Variants in SLC4A4 observed in about 807,000 individuals in gnomAD.
SLC4A4 encodes the protein electrogenic sodium bicarbonate cotransporter 1.
Under a neutral mutation model 111.5 loss-of-function variants are expected in SLC4A4, and 27 were observed. The observed-to-expected ratio is 0.24, with a 90% CI of 0.18 to 0.33. The LOEUF is 0.33. SLC4A4 is among the 10% of genes least tolerant of loss of function. The pLI is 1.00. For missense variants in SLC4A4, 909 were observed against 1,315.5 expected (o/e 0.69, Z 4.78); for synonymous variants, 443 against 463.4 (o/e 0.96, Z 0.57).
chr4:71,491,723 G>C (rs911011372), intron 15 of SLC4A4, among the ~76,000 whole-genome samples: 8 of 151,648 alleles, frequency 5.3e-5, no homozygotes, highest in African/African-American at 1.7e-4. Flanking sequence ...TGTATGTATA[G>C]CTCACATTTA....
chr4:71,479,931 T>C (rs1219107694), intron 14 of SLC4A4, among the ~76,000 whole-genome samples: 1 of 151,570 alleles, frequency 6.6e-6, no homozygotes, highest in South Asian at 2.1e-4. Context: ...AGTTTCCCCA[T>C]GGTAATGTCT....
At chr4:71,099,301 T>A (rs1742649254) in intron 2 of SLC4A4, among the ~76,000 whole-genome samples, 1 of 152,160 alleles carries the variant, frequency 6.6e-6, no homozygotes, top group South Asian at 2.1e-4. Context: ...AAAAACATGC[T>A]GAAAACCATG....
At chr4:71,178,042 A>G (rs948246997) in intron 2 of SLC4A4, among the ~76,000 whole-genome samples, 59 of 152,360 alleles carry the variant, frequency 3.9e-4, no homozygotes, top group Non-Finnish European at 7.3e-4. Flanking sequence ...AAACCGCTCA[A>G]CTACATGGAA....
intron 2 of SLC4A4, among the ~76,000 whole-genome samples, chr4:71,172,436 A>G (rs1380966367): frequency 6.6e-6 from 1 of 151,870 alleles, no homozygotes; most frequent in Admixed American, 6.6e-5. Flanking sequence ...TTGTATTTTT[A>G]GTAGAGATGG....
At chr4:71,485,266 G>A (rs1371764735) in intron 14 of SLC4A4, among the ~76,000 whole-genome samples, 1 of 151,626 alleles carries the variant, frequency 6.6e-6, no homozygotes, top group East Asian at 1.9e-4. Context: ...GTTGGCTGTG[G>A]GTTTGTCATA....
At chr4:71,353,827 C>G (rs371248456) in intron 5 of SLC4A4, among the ~76,000 whole-genome samples, 4 of 152,158 alleles carry the variant, frequency 2.6e-5, no homozygotes, top group African/African-American at 9.7e-5. Flanking sequence ...CACCTGCTAC[C>G]CCTCACCAGC....
At chr4:71,156,586 G>GCA (rs1553957328) in intron 2 of SLC4A4, among the ~76,000 whole-genome samples, 140 of 108,410 alleles carry the variant, frequency 1.3e-3, no homozygotes, top group East Asian at 0.01. Context: ...GCGCGCGCGC[G>GCA]CGCACACACA....
chr4:71,451,094 C>T, intron 10 of SLC4A4, 94 bp from the exon 11 acceptor site: 1 of 817,540 alleles, frequency 1.2e-6, no homozygotes, highest in Admixed American at 1.9e-5. Flanking sequence ...TAAGGGTTTT[C>T]ACTCCATCTC....
intron 1 of SLC4A4, among the ~76,000 whole-genome samples, chr4:71,089,141 C>T (rs1742295073): frequency 1.3e-5 from 2 of 151,942 alleles, no homozygotes; most frequent in Admixed American, 1.3e-4. Context: ...CACTTCATTT[C>T]ATTCATTTGA....
At chr4:71,446,584 A>C (rs1477341981) in intron 8 of SLC4A4, among the ~76,000 whole-genome samples, 1 of 152,178 alleles carries the variant, frequency 6.6e-6, no homozygotes, top group Non-Finnish European at 1.5e-5. Flanking sequence ...ATTAACCTCC[A>C]CCAGCCTCAT....
intron 2 of SLC4A4, among the ~76,000 whole-genome samples, chr4:71,103,151 A>T (rs1413495212): frequency 6.6e-6 from 1 of 151,758 alleles, no homozygotes. Context: ...CTTTAAACCA[A>T]CAAAGATCAA....
chr4:71,536,881 A>G (rs1210947456), intron 18 of SLC4A4, among the ~76,000 whole-genome samples: 1 of 151,650 alleles, frequency 6.6e-6, no homozygotes, highest in Non-Finnish European at 1.5e-5. Context: ...TTGATATTGC[A>G]TATCTATCTA....
At chr4:71,121,973 G>A (rs1311255158) in intron 2 of SLC4A4, among the ~76,000 whole-genome samples, 5 of 151,970 alleles carry the variant, frequency 3.3e-5, no homozygotes, top group Admixed American at 1.3e-4. Context: ...CTCCAGACGC[G>A]CTTCCTTAAG....
At chr4:71,231,113 G>A (rs1719394056) in intron 1 of SLC4A4, among the ~76,000 whole-genome samples, 9 of 152,300 alleles carry the variant, frequency 5.9e-5, no homozygotes, top group Admixed American at 5.2e-4. Context: ...AAGGGAGGTG[G>A]GAGGGCAAGT....
Position 71,406,017 on chromosome 4 carries a change from T to C in SLC4A4, c.807+8364T>C, listed in dbSNP as rs537356681. 4.6e-5 allele frequency among the ~76,000 whole-genome samples: 7 copies of C among 151,816 alleles called. No homozygotes were observed. In the South Asian group the frequency reaches 1.5e-3, roughly 32 times the overall value. Reference sequence around the variant, plus strand: ...GGGCTTTTCAGGCTCTGTGAGAATTTCCTTGGCAACCAAAAAATGGCTTCA... The same window carrying C: ...GGGCTTTTCAGGCTCTGTGAGAATTCCCTTGGCAACCAAAAAATGGCTTCA... On this transcript the variant is annotated intron_variant, in intron 7 of 25. Transcript: ENST00000264485.
At chr4:71,338,353 G>A (rs1728595885) in intron 3 of SLC4A4, among the ~76,000 whole-genome samples, 1 of 152,054 alleles carries the variant, frequency 6.6e-6, no homozygotes, top group Non-Finnish European at 1.5e-5. Flanking sequence ...ATATGCATGT[G>A]TGTATGTGTG....
chr4:71,536,457 CATATATACAT>C (rs574882306), intron 18 of SLC4A4, among the ~76,000 whole-genome samples: 4,712 of 31,512 alleles, frequency 0.15, 446 homozygotes, highest in Non-Finnish European at 0.22. Context: ...TACATATATA[CATATATACAT>C]ATATATATAT....
At chr4:71,208,223 G>A (rs949873133) in intron 1 of SLC4A4, among the ~76,000 whole-genome samples, 4 of 152,150 alleles carry the variant, frequency 2.6e-5, no homozygotes, top group African/African-American at 9.7e-5. Flanking sequence ...GAGGTCAGGA[G>A]ATGGAGACCA....
At chr4:71,390,091 T>C (rs1207932513) in intron 6 of SLC4A4, among the ~76,000 whole-genome samples, 1 of 152,158 alleles carries the variant, frequency 6.6e-6, no homozygotes, top group Non-Finnish European at 1.5e-5. Flanking sequence ...GAGACCATAA[T>C]GACATGCTTA....
Sources: gnomAD v4.1 joint callset for allele counts (sites outside exome capture counted in the v4.1 genomes callset) on GRCh38, gnomAD v4.1.1 for gene constraint, MANE v1.5 for transcripts, NCBI Gene and HGNC (gene_info 2026-07-23, HGNC 2026-07-21) for gene names.